CAPZA1: variants seen among roughly 807,000 people sequenced by gnomAD.
CAPZA1 encodes F-actin-capping protein subunit alpha-1.
In CAPZA1, 10 loss-of-function variants were observed where a neutral mutation model predicts 40.8. The ratio of observed to expected loss-of-function variants is 0.25; its 90% CI spans 0.15 to 0.42. The LOEUF (loss-of-function observed/expected upper bound fraction) is 0.42, where lower values mean the gene tolerates loss of function less well. Among genes scored for constraint, CAPZA1 ranks in the 10% least tolerant of loss-of-function variants. CAPZA1 has a pLI of 1.00. For missense variants in CAPZA1, 277 were observed against 353.8 expected (o/e 0.78, Z 1.74); for synonymous variants, 98 against 115.0 (o/e 0.85, Z 0.95).
intron 1 of CAPZA1, among the ~76,000 whole-genome samples, chr1:112,640,742 C>G (rs537456524): frequency 1.1e-4 from 17 of 152,344 alleles, no homozygotes; most frequent in Admixed American, 1.1e-3. Flanking sequence ...TCATTGAGAA[C>G]GGGCCAGGAT....
intron 7 of CAPZA1, among the ~76,000 whole-genome samples, chr1:112,664,815 A>G (rs1003823224): frequency 1.3e-5 from 2 of 152,062 alleles, no homozygotes; most frequent in African/African-American, 4.8e-5. Context: ...GGTGCCTGTA[A>G]TCCCAGCTAC....
intron 1 of CAPZA1, among the ~76,000 whole-genome samples, chr1:112,641,477 C>A (rs1044211163): frequency 6.6e-6 from 1 of 152,070 alleles, no homozygotes; most frequent in African/African-American, 2.4e-5. Context: ...ATATAAACAG[C>A]ATATTATAAA....
chr1:112,665,178 GT>G (rs55776312), intron 7 of CAPZA1, among the ~76,000 whole-genome samples: 29 of 128,928 alleles, frequency 2.2e-4, no homozygotes, highest in Non-Finnish European at 3.0e-4. Flanking sequence ...GTTTTTTTGT[GT>G]TTTTTTTTTT....
chr1:112,627,051 G>A (rs1474263851), intron 1 of CAPZA1, among the ~76,000 whole-genome samples: 1 of 152,168 alleles, frequency 6.6e-6, no homozygotes, highest in Non-Finnish European at 1.5e-5. Context: ...ATCCTTATAG[G>A]ACAGATACTT....
chr1:112,645,736 CAAAA>C (rs34728417), intron 1 of CAPZA1, among the ~76,000 whole-genome samples: 18 of 106,992 alleles, frequency 1.7e-4, no homozygotes, highest in Non-Finnish European at 1.8e-4. Flanking sequence ...CTTGCCAGTG[CAAAA>C]AAAAAAAAAA....
At chr1:112,627,791 T>A (rs1402070106) in intron 1 of CAPZA1, among the ~76,000 whole-genome samples, 1 of 151,752 alleles carries the variant, frequency 6.6e-6, no homozygotes, top group Non-Finnish European at 1.5e-5. Context: ...AGAAACCCCG[T>A]CTCTACTAAA....
intron 5 of CAPZA1, among the ~76,000 whole-genome samples, chr1:112,655,381 GC>G (rs1167683374): frequency 6.6e-6 from 1 of 152,076 alleles, no homozygotes; most frequent in Non-Finnish European, 1.5e-5. Flanking sequence ...GGAGGCTGAG[GC>G]ACAAGAATCA....
chr1:112,670,191 T>A lies in CAPZA1; in HGVS notation c.*59T>A. Reference sequence around the variant, plus strand: ...GACAAGGATTCAACGTGTGGTCATATGATAAATAAGTGATTTATAAACAAG... The same window carrying A: ...GACAAGGATTCAACGTGTGGTCATAAGATAAATAAGTGATTTATAAACAAG... On this transcript the variant is annotated 3_prime_UTR_variant, in exon 10 of 10. Coordinates refer to ENST00000263168, the MANE Select transcript of CAPZA1 (RefSeq NM_006135.3). 2 of 1,585,416 alleles carry A rather than the reference T, an allele frequency of 1.3e-6. No homozygotes were observed. Among genetic ancestry groups the A allele is most frequent in the Non-Finnish European group, 1.7e-6 (2 of 1,158,562 alleles).
chr1:112,655,235 T>C (rs1054163224), intron 5 of CAPZA1, among the ~76,000 whole-genome samples: 1 of 152,156 alleles, frequency 6.6e-6, no homozygotes, highest in African/African-American at 2.4e-5. Context: ...ATCCCAGCAC[T>C]TTGGGAGGCC....
chr1:112,664,093 A>G lies in CAPZA1; in HGVS notation c.586-2981A>G, dbSNP rs565532763. Among the ~76,000 whole-genome samples, 3 of 152,136 alleles carry G rather than the reference A, an allele frequency of 2.0e-5. 1 individual carries two copies. The South Asian group carries it at 6.3e-4, about 32-fold the overall frequency. On this transcript the variant is annotated intron_variant, in intron 7 of 9. Transcript: ENST00000263168. ...TTAAAAATACAAAAATTAGCTGGCC[A>G]TGGTGGCACGCACCTGTAGTCCCAG... is the stretch of plus-strand genomic sequence containing the variant.
At chr1:112,658,016 A>G (rs1409531896) in intron 5 of CAPZA1, among the ~76,000 whole-genome samples, 2 of 152,214 alleles carry the variant, frequency 1.3e-5, no homozygotes, top group Admixed American at 6.5e-5. Flanking sequence ...TGTCACAAAA[A>G]CAGTGGGTTT....
chr1:112,671,551 C>G lies in CAPZA1; in HGVS notation c.*1419C>G, dbSNP rs1671834707. On this transcript the variant is annotated 3_prime_UTR_variant, in exon 10 of 10. Transcript: ENST00000263168. ...TTGTATTATTTGTCCTTCATACTAT[C>G]CATCCATACCACACTATCTTCTGTA... 1 of 152,620 alleles carries G rather than the reference C, an allele frequency of 6.6e-6. No homozygotes were observed. The highest frequency in any genetic ancestry group is 2.1e-4 in the South Asian group (1 of 4,826). The allele number at this position is 152,620 out of a possible 1,614,324, so 9.5% of individuals were successfully genotyped here. A position where few individuals can be genotyped will look rare whatever the true frequency, so the allele number is the denominator to read the frequency against.
At chr1:112,657,369 T>A (rs1027475409) in intron 5 of CAPZA1, among the ~76,000 whole-genome samples, 1 of 152,132 alleles carries the variant, frequency 6.6e-6, no homozygotes, top group Non-Finnish European at 1.5e-5. Flanking sequence ...CAGTACATAT[T>A]CTTTGCCTGC....
chr1:112,645,084 C>G (rs925530616), intron 1 of CAPZA1, among the ~76,000 whole-genome samples: 2 of 152,188 alleles, frequency 1.3e-5, no homozygotes, highest in African/African-American at 4.8e-5. Flanking sequence ...AGAGTGGTGT[C>G]CCACATAGCC....
At chr1:112,665,787 T>C (rs1004297439) in intron 7 of CAPZA1, among the ~76,000 whole-genome samples, 1 of 152,162 alleles carries the variant, frequency 6.6e-6, no homozygotes, top group Middle Eastern at 3.2e-3. Context: ...AGGCCCCTCC[T>C]CTTAATATTA....
chr1:112,627,635 TCAAAAAAAAAAAAAAAA>T (rs1670838755), intron 1 of CAPZA1, among the ~76,000 whole-genome samples: 1 of 27,508 alleles, frequency 3.6e-5, no homozygotes, highest in African/African-American at 1.7e-4. Flanking sequence ...AGACTCTGTC[TCAAAAAAAAAAAAAAAA>T]AAAAAAAAAA....
intron 1 of CAPZA1, among the ~76,000 whole-genome samples, chr1:112,624,312 A>G (rs968710076): frequency 1.3e-4 from 20 of 152,150 alleles, no homozygotes; most frequent in Non-Finnish European, 2.9e-4. Flanking sequence ...AGTGGATTAT[A>G]AATGAGGTAT....
chr1:112,652,391 A>G lies in CAPZA1; in HGVS notation c.156-1207A>G, dbSNP rs1481682646. On this transcript the variant is annotated intron_variant, in intron 3 of 9. Transcript: ENST00000263168. ...CTACTCTGGAGGCTGAGGCAGGAGA[A>G]TCGCTTGAACCCGGGAAGTGGAGGT... 4.7e-5 allele frequency among the ~76,000 whole-genome samples: 7 copies of G among 150,518 alleles called. No individual in the cohort carries two copies. The Admixed American group carries it at 4.7e-4, about 10-fold the overall frequency.
At chr1:112,652,832 G>A (rs1671421284) in intron 3 of CAPZA1, among the ~76,000 whole-genome samples, 1 of 152,170 alleles carries the variant, frequency 6.6e-6, no homozygotes, top group East Asian at 1.9e-4. Context: ...TTTGTAAAAT[G>A]TATTAGAGAG....
Sources: allele counts gnomAD v4.1 joint callset (sites outside exome capture counted in the v4.1 genomes callset), GRCh38; gene constraint gnomAD v4.1.1; transcripts MANE v1.5; gene names NCBI Gene and HGNC (gene_info 2026-07-23, HGNC 2026-07-21).